The following ADGRV1 variants were observed in gnomAD, a reference collection of about 807,000 sequenced individuals.
ADGRV1 encodes G-protein coupled receptor 98.
A neutral mutation model predicts 596.2 loss-of-function variants in ADGRV1; 359 were observed. The ratio of observed to expected loss-of-function variants is 0.60; its 90% CI spans 0.55 to 0.66. ADGRV1 has a LOEUF of 0.66. Among genes scored for constraint, ADGRV1 ranks in the 30% least tolerant of loss-of-function variants. The pLI is 0.00. For missense variants in ADGRV1, 7,274 were observed against 7,575.6 expected (o/e 0.96, Z 1.48); for synonymous variants, 2,681 against 2,679.2 (o/e 1.00, Z -0.02).
intron 85 of ADGRV1, among the ~76,000 whole-genome samples, chr5:91,007,979 G>T (rs1236681040): frequency 6.6e-6 from 1 of 151,776 alleles, no homozygotes; most frequent in East Asian, 1.9e-4. Flanking sequence ...CTAGTTCAAA[G>T]GTTATTATTC....
At chr5:90,682,951 G>A (rs1477529190) in intron 27 of ADGRV1, among the ~76,000 whole-genome samples, 1 of 152,108 alleles carries the variant, frequency 6.6e-6, no homozygotes, top group East Asian at 1.9e-4. Context: ...AAAAGTAAAT[G>A]TGATTTGTTT....
At chr5:91,149,980 T>C (rs1466885375) in intron 87 of ADGRV1, 50 bp from the exon 88 acceptor site, 9 of 1,456,754 alleles carry the variant, frequency 6.2e-6, no homozygotes, top group Non-Finnish European at 8.3e-6. Context: ...TTTGACATGC[T>C]GATGTTCTTT....
At chr5:91,123,266 G>A (rs11739054) in intron 87 of ADGRV1, among the ~76,000 whole-genome samples, 75,478 of 152,100 alleles carry the variant, frequency 0.5, 22,006 homozygotes, top group Non-Finnish European at 0.64. Context: ...TTATTATTCT[G>A]TCTTAGTCCA....
At chr5:90,622,196 T>A (rs1764175128) in intron 4 of ADGRV1, among the ~76,000 whole-genome samples, 1 of 152,178 alleles carries the variant, frequency 6.6e-6, no homozygotes, top group East Asian at 1.9e-4. Context: ...GAAAGAGTGG[T>A]TGTGGACAAG....
At chr5:90,866,315 A>ATGTG (rs149341618) in intron 83 of ADGRV1, among the ~76,000 whole-genome samples, 7,342 of 137,874 alleles carry the variant, frequency 0.053, 344 homozygotes, top group African/African-American at 0.13. Flanking sequence ...GTATGTGTAT[A>ATGTG]TGTGTGTGTG....
At position 90,855,793 on chromosome 5, in the gene ADGRV1, G is replaced by A. The variant is rs1223607995; in HGVS notation, c.17647G>A (p.Val5883Met). The change falls in exon 82 of 90, where the codon GTG becomes ATG. Residue 5883 changes from valine (V) to methionine (M), a missense_variant. Around this residue, in one of 5 missense-constraint regions of ADGRV1, gnomAD observed 1,874 missense variants for 1,970.2 expected, o/e 0.95. Transcript: ENST00000405460. ...CKVVEETADY[V>M]ECACSHMSVY... ...AGTGGTTGAGGAAACTGCAGACTATGTGGAATGTGCCTGTTCACACATGTC... is the reference window on the plus strand; with the variant it reads ...AGTGGTTGAGGAAACTGCAGACTATATGGAATGTGCCTGTTCACACATGTC... The A allele has an allele frequency of 6.2e-7, 1 of 1,606,210 alleles. No individual in the cohort carries two copies. Among genetic ancestry groups the A allele is most frequent in the Admixed American group, 1.7e-5 (1 of 59,082 alleles).
rs1329038258 is a variant in ADGRV1, at chr5:90,679,604, C to T, written c.5499C>T (p.Phe1833=). The T allele has an allele frequency of 1.2e-6, 2 of 1,613,522 alleles. No homozygotes were observed. Among genetic ancestry groups the T allele is most frequent in the East Asian group, 2.2e-5 (1 of 44,858 alleles). ...GTAGTGGTGATGGGGACATGGAATT[C>T]TTCCTTCCAACTATTCACAAACGTG... ...GSGSGDGDME[F]FLPTIHKRAS... is the part of the protein sequence containing the mutation. The change falls in exon 26 of 90, where the codon TTC becomes TTT. Residue 1833 remains phenylalanine (F), a synonymous_variant. Coordinates refer to ENST00000405460, the MANE Select transcript of ADGRV1 (RefSeq NM_032119.4).
At chr5:91,030,937 T>C (rs909926017) in intron 85 of ADGRV1, 2 of 870,892 alleles carry the variant, frequency 2.3e-6, no homozygotes, top group African/African-American at 3.5e-5. Context: ...TCAGAGTCCA[T>C]ATAGTACTGG....
rs145318991 is a variant in ADGRV1, at chr5:90,932,779, T to C, written c.17857-32636T>C. Among the ~76,000 whole-genome samples, 37 of 151,258 alleles carry C rather than the reference T, an allele frequency of 2.4e-4. No individual in the cohort carries two copies. In the Middle Eastern group the frequency reaches 0.014, roughly 56 times the overall value. On this transcript the variant is annotated intron_variant, in intron 83 of 89. Coordinates refer to ENST00000405460, the MANE Select transcript of ADGRV1 (RefSeq NM_032119.4). ...TCAGATTAAAAAAAATCAGAGAATA[T>C]AGGCTTGTCGTGAGTTGTGTGTGTG... is the stretch of plus-strand genomic sequence containing the variant.
At chr5:90,832,643 G>A (rs1250146819) in intron 77 of ADGRV1, among the ~76,000 whole-genome samples, 1 of 151,718 alleles carries the variant, frequency 6.6e-6, no homozygotes, top group East Asian at 1.9e-4. Context: ...TTGGTTGTGG[G>A]GTATTACTCA....
At chr5:90,933,456 G>A (rs1775426733) in intron 83 of ADGRV1, among the ~76,000 whole-genome samples, 1 of 152,098 alleles carries the variant, frequency 6.6e-6, no homozygotes, top group South Asian at 2.1e-4. Context: ...AGCAAATATA[G>A]TCCTGAGGTT....
At chr5:90,755,277 T>TTA in intron 55 of ADGRV1, 92 bp downstream of exon 55, 1 of 773,700 alleles carries the variant, frequency 1.3e-6, no homozygotes, top group African/African-American at 1.7e-5. Context: ...ATCTTTTTTT[T>TTA]AATAAAAGGA....
chr5:90,593,489 T>A (rs2151999724), intron 1 of ADGRV1, among the ~76,000 whole-genome samples: 1 of 152,096 alleles, frequency 6.6e-6, no homozygotes, highest in Admixed American at 6.5e-5. Flanking sequence ...CTGGGAGAAA[T>A]ACCTAATATA....
chr5:90,943,341 C>T (rs1776315426), intron 83 of ADGRV1, among the ~76,000 whole-genome samples: 1 of 151,998 alleles, frequency 6.6e-6, no homozygotes, highest in Non-Finnish European at 1.5e-5. Flanking sequence ...GAATCAAGTC[C>T]CAATTTTGCT....
At chr5:90,953,589 ACT>A (rs1777226461) in intron 83 of ADGRV1, among the ~76,000 whole-genome samples, 1 of 151,994 alleles carries the variant, frequency 6.6e-6, no homozygotes, top group African/African-American at 2.4e-5. Context: ...GATAATGAAG[ACT>A]CTTAACAATT....
intron 89 of ADGRV1, among the ~76,000 whole-genome samples, chr5:91,163,545 T>C (rs575831254): frequency 1.2e-3 from 176 of 152,300 alleles, no homozygotes; most frequent in African/African-American, 3.7e-3. Flanking sequence ...ACAGTAAAGA[T>C]TGAGAACCCA....
rs150571362 is a variant in ADGRV1 at position 90,922,404 on chromosome 5, C to T, written c.17857-43011C>T. On this transcript the variant is annotated intron_variant, in intron 83 of 89. Coordinates refer to ENST00000405460, the MANE Select transcript of ADGRV1 (RefSeq NM_032119.4). ...TGACAGGTATATAGAATACTTACAA[C>T]GTGGCCTTAGGTTGTTTCTCTGGCT... 1.1e-4 allele frequency among the ~76,000 whole-genome samples: 17 copies of T among 152,234 alleles called. No individual in the cohort carries two copies. The East Asian group carries it at 1.7e-3, about 16-fold the overall frequency.
Position 90,765,470 on chromosome 5 carries a change from CAA to C in ADGRV1, c.12285+2003_12285+2004del, listed in dbSNP as rs70973707. Among the ~76,000 whole-genome samples, 241 of 149,454 alleles carry C rather than the reference CAA, an allele frequency of 1.6e-3. 1 individual carries two copies. The highest frequency in any genetic ancestry group is 5.2e-3 in the African/African-American group (211 of 40,438). On this transcript the variant is annotated intron_variant, in intron 59 of 89. Transcript: ENST00000405460. ...ACACACACACACACACACACACACA[CAA>C]ACTCTAGATATCTGAAATCAAATTT...
chr5:90,864,144 T>G (rs1767872228), intron 83 of ADGRV1, among the ~76,000 whole-genome samples: 2 of 152,134 alleles, frequency 1.3e-5, no homozygotes, highest in South Asian at 2.1e-4. Context: ...TATTTGTAAT[T>G]TATATATACA....
Sources: gnomAD v4.1 joint callset for allele counts (sites outside exome capture counted in the v4.1 genomes callset) on GRCh38, gnomAD v4.1.1 for gene constraint, gnomAD v4.1.1 regional missense constraint, MANE v1.5 for transcripts, NCBI Gene and HGNC (gene_info 2026-07-23, HGNC 2026-07-21) for gene names.